DYNLT2B: variants seen among roughly 807,000 people sequenced by gnomAD.
DYNLT2B encodes dynein light chain Tctex-type 2B.
In DYNLT2B, 14 loss-of-function variants were observed where a neutral mutation model predicts 19.5. The ratio of observed to expected loss-of-function variants is 0.72; its 90% confidence interval spans 0.47 to 1.12. DYNLT2B has a LOEUF of 1.12. DYNLT2B is among the 50% of genes most tolerant of loss of function. The probability of loss-of-function intolerance (pLI) is 0.00; values close to 1 mark genes in which losing one functional copy is unlikely to be tolerated. For synonymous variants in DYNLT2B, 70 were observed against 59.7 expected (o/e 1.17, Z -0.79); for missense variants, 133 against 174.7 (o/e 0.76, Z 1.35).
At chr3:196,305,400 A>G (rs1726460844) in intron 3 of DYNLT2B, among the ~76,000 whole-genome samples, 1 of 152,242 alleles carries the variant, frequency 6.6e-6, no homozygotes, top group African/African-American at 2.4e-5. Flanking sequence ...TAGAAGACAT[A>G]TTAAACAATA....
At chr3:196,292,636 CA>C (rs1726118766) in intron 4 of DYNLT2B, 2 of 152,142 alleles carry the variant, frequency 1.3e-5, no homozygotes, top group African/African-American at 4.8e-5. Context: ...CCCTTATACT[CA>C]GTGTATTGTT....
rs573531161 is a variant in DYNLT2B at position 196,317,915 on chromosome 3, C to A, written c.113+125G>T. The A allele has an allele frequency of 2.5e-3, 1,092 of 428,828 alleles. 8 individuals are homozygous for A. Among genetic ancestry groups the A allele is most frequent in the African/African-American group, 0.021 (1,016 of 47,992 alleles). 26.6% of individuals were successfully genotyped at this position (428,828 alleles called of 1,614,324 possible). A position where few individuals can be genotyped will look rare whatever the true frequency, so the allele number is the denominator to read the frequency against. ...GGCCGCCCGCCCGCCTCGCGGCCTCCCGCCTCCCGCCCCGCGGACCCCGCG... is the reference window on the plus strand; with the variant it reads ...GGCCGCCCGCCCGCCTCGCGGCCTCACGCCTCCCGCCCCGCGGACCCCGCG... On this transcript the variant is annotated intron_variant, in intron 1 of 4. Transcript: ENST00000325318.
chr3:196,317,062 GGTGTGTGT>G (rs140998103), intron 1 of DYNLT2B, among the ~76,000 whole-genome samples: 8,411 of 51,936 alleles, frequency 0.16, 1,986 homozygotes, highest in East Asian at 0.75. Flanking sequence ...GTGTGTGTGT[GGTGTGTGT>G]GTGTGTGTGT....
At chr3:196,302,272 G>A (rs1233226425) in intron 3 of DYNLT2B, among the ~76,000 whole-genome samples, 3 of 152,164 alleles carry the variant, frequency 2.0e-5, no homozygotes, top group Non-Finnish European at 4.4e-5. Context: ...AAAAGAGAAC[G>A]GCTACCTCTA....
At position 196,298,012 on chromosome 3, in the gene DYNLT2B, C is replaced by T. The variant is rs557815126; in HGVS notation, c.318-1943G>A. On this transcript the variant is annotated intron_variant, in intron 3 of 4. Coordinates refer to ENST00000325318, the MANE Select transcript of DYNLT2B (RefSeq NM_152773.5). ...TTTCAGCTTGCTATAGTAAGATGGC[C>T]GTGACCTTGATACAGCGTGAATATG... 5.2e-4 allele frequency: 87 copies of T among 168,852 alleles called. No homozygotes were observed. In the South Asian group the frequency reaches 6.0e-3, roughly 12 times the overall value. The allele number at this position is 168,852 out of a possible 1,614,324, so 10.5% of individuals were successfully genotyped here. A position where few individuals can be genotyped will look rare whatever the true frequency, so the allele number is the denominator to read the frequency against.
chr3:196,302,751 G>A (rs1394655147), intron 3 of DYNLT2B, among the ~76,000 whole-genome samples: 3 of 152,158 alleles, frequency 2.0e-5, no homozygotes, highest in East Asian at 3.9e-4. Flanking sequence ...CGGAGGAAAT[G>A]AAACCGCCTT....
chr3:196,296,482 A>G (rs1726225002), intron 3 of DYNLT2B, among the ~76,000 whole-genome samples: 1 of 152,234 alleles, frequency 6.6e-6, no homozygotes, highest in Non-Finnish European at 1.5e-5. Context: ...ACTCTGAACT[A>G]GAATTCAGTC....
chr3:196,306,000 G>A (rs1726475168), intron 3 of DYNLT2B, among the ~76,000 whole-genome samples: 1 of 151,590 alleles, frequency 6.6e-6, no homozygotes, highest in South Asian at 2.1e-4. Flanking sequence ...AATAGCCACT[G>A]CACTCCAGCC....
At chr3:196,300,379 G>A (rs1726320908) in intron 3 of DYNLT2B, among the ~76,000 whole-genome samples, 1 of 152,144 alleles carries the variant, frequency 6.6e-6, no homozygotes, top group Admixed American at 6.6e-5. Flanking sequence ...GTAGAGGCCT[G>A]CAGAGGCCTA....
intron 3 of DYNLT2B, chr3:196,298,096 T>C (rs903520657): frequency 6.7e-6 from 2 of 299,716 alleles, no homozygotes; most frequent in Non-Finnish European, 1.3e-5. Flanking sequence ...CAATGTCTCC[T>C]TTCCAGTTGT....
chr3:196,312,543 C>T (rs542500902), intron 2 of DYNLT2B, among the ~76,000 whole-genome samples: 95 of 152,278 alleles, frequency 6.2e-4, no homozygotes, highest in Middle Eastern at 3.4e-3. Context: ...ACTGCAGACT[C>T]TGCCTCCTGG....
chr3:196,312,739 G>C (rs557107228), intron 2 of DYNLT2B, among the ~76,000 whole-genome samples: 1 of 152,312 alleles, frequency 6.6e-6, no homozygotes, highest in East Asian at 1.9e-4. Flanking sequence ...GATTGCAGGC[G>C]TGAGCCACCG....
At chr3:196,303,521 A>C (rs1256128708) in intron 3 of DYNLT2B, among the ~76,000 whole-genome samples, 1 of 152,192 alleles carries the variant, frequency 6.6e-6, no homozygotes, top group East Asian at 1.9e-4. Flanking sequence ...TGTACCATTG[A>C]TATGATATGA....
chr3:196,310,347 G>C (rs1377144881), intron 2 of DYNLT2B, among the ~76,000 whole-genome samples: 1 of 150,548 alleles, frequency 6.6e-6, no homozygotes, highest in Non-Finnish European at 1.5e-5. Context: ...CCTGACCTCA[G>C]GTGATCCACC....
chr3:196,302,876 G>A (rs931049369), intron 3 of DYNLT2B, among the ~76,000 whole-genome samples: 12 of 151,874 alleles, frequency 7.9e-5, no homozygotes, highest in Admixed American at 5.9e-4. Flanking sequence ...AACTTGGGGG[G>A]AAACTTAATT....
chr3:196,304,443 T>C (rs2108793768), intron 3 of DYNLT2B, among the ~76,000 whole-genome samples: 1 of 152,254 alleles, frequency 6.6e-6, no homozygotes. Flanking sequence ...AAAAACTGTT[T>C]TTTTTAAACA....
intron 3 of DYNLT2B, among the ~76,000 whole-genome samples, chr3:196,299,704 G>A (rs1560187413): frequency 6.6e-6 from 1 of 152,080 alleles, no homozygotes. Context: ...GGCTGAGGCA[G>A]GCGGATCACG....
intron 3 of DYNLT2B, chr3:196,298,111 GATTTT>G (rs1480581395): frequency 3.0e-6 from 1 of 333,688 alleles, no homozygotes; most frequent in South Asian, 2.9e-5. Context: ...AGTTGTGCCT[GATTTT>G]ATTACCAGTT....
intron 3 of DYNLT2B, among the ~76,000 whole-genome samples, chr3:196,303,107 G>A (rs973997290): frequency 1.3e-4 from 19 of 152,000 alleles, no homozygotes; most frequent in African/African-American, 4.1e-4. Context: ...CACCCAGATG[G>A]ATAAACTGGC....
Sources: allele counts gnomAD v4.1 joint callset (sites outside exome capture counted in the v4.1 genomes callset), GRCh38; gene constraint gnomAD v4.1.1; transcripts MANE v1.5; gene names NCBI Gene and HGNC (gene_info 2026-07-23, HGNC 2026-07-21).